The following RIMOC1 variants were observed in gnomAD, a reference collection of about 807,000 sequenced individuals.
RIMOC1 encodes RAB7A interacting MON1-CCZ1 complex subunit 1.
At chr5:41,911,055 A>G in the RIMOC1 span, 154 of 1,609,524 alleles carry the variant, frequency 9.6e-5, 1 homozygote, top group Admixed American at 2.2e-4. Flanking sequence ...CAGCACTGCA[A>G]TTTGCTTGGG....
chr5:41,917,414 A>G, the RIMOC1 span: 1 of 1,410,090 alleles, frequency 7.1e-7, no homozygotes, highest in Non-Finnish European at 9.3e-7. Context: ...CACTGCATAA[A>G]GATATCCAGC....
At chr5:41,905,840 A>G in the RIMOC1 span, among the ~76,000 whole-genome samples, 3 of 152,264 alleles carry the variant, frequency 2.0e-5, no homozygotes, top group South Asian at 4.1e-4. Flanking sequence ...GTCATGTGCT[A>G]TATATGGAAT....
At chr5:41,906,079 G>T in the RIMOC1 span, among the ~76,000 whole-genome samples, 1 of 152,294 alleles carries the variant, frequency 6.6e-6, no homozygotes, top group South Asian at 2.1e-4. Flanking sequence ...TTAATGTAAT[G>T]AGTATATATT....
At chr5:41,917,564 A>C in the RIMOC1 span, 2 of 1,099,954 alleles carry the variant, frequency 1.8e-6, no homozygotes, top group Non-Finnish European at 2.2e-6. Context: ...AATGAGTAGT[A>C]ACCCAATTTA....
chr5:41,914,193 T>A, the RIMOC1 span, among the ~76,000 whole-genome samples: 1 of 152,178 alleles, frequency 6.6e-6, no homozygotes, highest in Non-Finnish European at 1.5e-5. Flanking sequence ...CTCTTTGTCA[T>A]ACTTTGAATT....
At chr5:41,918,463 A>AT in the RIMOC1 span, 1 of 985,276 alleles carries the variant, frequency 1.0e-6, no homozygotes, top group Non-Finnish European at 1.2e-6. Context: ...CCTCAGCTTT[A>AT]TGGGATACTA....
chr5:41,915,136 T>A, the RIMOC1 span, among the ~76,000 whole-genome samples: 34 of 152,228 alleles, frequency 2.2e-4, 1 homozygote, highest in South Asian at 2.1e-4. Context: ...GTATCTCACC[T>A]CTGAGTCTCA....
At chr5:41,911,932 TG>T in the RIMOC1 span, 77 of 649,198 alleles carry the variant, frequency 1.2e-4, 1 homozygote, top group Admixed American at 2.8e-5. Flanking sequence ...TTTATACCAT[TG>T]AAATAGAATA....
chr5:41,905,873 T>G, the RIMOC1 span, among the ~76,000 whole-genome samples: 2 of 152,228 alleles, frequency 1.3e-5, no homozygotes, highest in African/African-American at 4.8e-5. Context: ...GCTTTATACT[T>G]CTGAAAATTT....
the RIMOC1 span, chr5:41,919,064 A>G: frequency 6.7e-6 from 1 of 149,316 alleles, no homozygotes; most frequent in Non-Finnish European, 1.5e-5. Context: ...GGCTTCTTTT[A>G]CCACCTGTAA....
the RIMOC1 span, chr5:41,907,941 T>C: frequency 1.4e-6 from 1 of 723,080 alleles, no homozygotes; most frequent in South Asian, 1.8e-5. Context: ...GTTTATTCTA[T>C]ATTTCAAGTG....
chr5:41,911,743 ATTG>A, the RIMOC1 span, among the ~76,000 whole-genome samples: 6 of 152,208 alleles, frequency 3.9e-5, no homozygotes, highest in Non-Finnish European at 8.8e-5. Flanking sequence ...TTTTTAATAC[ATTG>A]TTGTTGAGCA....
chr5:41,913,322 T>G, the RIMOC1 span, among the ~76,000 whole-genome samples: 1 of 152,184 alleles, frequency 6.6e-6, no homozygotes, highest in Non-Finnish European at 1.5e-5. Flanking sequence ...AAATTAAGAT[T>G]CTTTACTAAG....
At chr5:41,917,350 G>A in the RIMOC1 span, 64 of 1,510,064 alleles carry the variant, frequency 4.2e-5, no homozygotes, top group Admixed American at 1.4e-3. Context: ...CCCATGAAAT[G>A]GAAAAGAGAG....
the RIMOC1 span, chr5:41,921,133 A>G: frequency 1.3e-5 from 2 of 152,650 alleles, no homozygotes; most frequent in South Asian, 4.1e-4. Context: ...CTTCTTTTGC[A>G]TATAGTAGAG....
At chr5:41,914,803 G>T in the RIMOC1 span, among the ~76,000 whole-genome samples, 1 of 151,946 alleles carries the variant, frequency 6.6e-6, no homozygotes, top group Non-Finnish European at 1.5e-5. Flanking sequence ...TTGCCCAAAT[G>T]TATCTATCTG....
At chr5:41,915,085 A>G in the RIMOC1 span, among the ~76,000 whole-genome samples, 1 of 152,160 alleles carries the variant, frequency 6.6e-6, no homozygotes, top group African/African-American at 2.4e-5. Context: ...TGTTGTTTAG[A>G]CATTATCTGT....
chr5:41,918,606 T>C, the RIMOC1 span: 2 of 985,282 alleles, frequency 2.0e-6, no homozygotes. Flanking sequence ...TGATGGGTAG[T>C]CCTTCAAAGT....
the RIMOC1 span, among the ~76,000 whole-genome samples, chr5:41,913,938 C>T: frequency 6.6e-6 from 1 of 152,056 alleles, no homozygotes; most frequent in African/African-American, 2.4e-5. Context: ...TAACTAGGAA[C>T]CAATCAGAGG....
Sources: allele counts gnomAD v4.1 joint callset (sites outside exome capture counted in the v4.1 genomes callset), GRCh38; gene constraint gnomAD v4.1.1; transcripts MANE v1.5; gene names NCBI Gene and HGNC (gene_info 2026-07-23, HGNC 2026-07-21).